The following KCNK10 variants were observed in gnomAD, a reference collection of about 807,000 sequenced individuals.
The protein encoded by KCNK10 is potassium two pore domain channel subfamily K member 10.
Under a neutral mutation model 47.7 loss-of-function variants are expected in KCNK10, and 25 were observed. That is an observed-to-expected ratio of 0.52 (90% CI 0.38 to 0.73). The LOEUF (loss-of-function observed/expected upper bound fraction) is 0.73, where lower values mean the gene tolerates loss of function less well. Among genes scored for constraint, KCNK10 ranks in the 30% least tolerant of loss-of-function variants. KCNK10 has a pLI of 0.00. For missense variants in KCNK10, 563 were observed against 714.5 expected (o/e 0.79, Z 2.42); for synonymous variants, 303 against 285.6 (o/e 1.06, Z -0.61).
intron 1 of KCNK10, among the ~76,000 whole-genome samples, chr14:88,321,638 G>A (rs1888549768): frequency 6.6e-6 from 1 of 152,176 alleles, no homozygotes; most frequent in Non-Finnish European, 1.5e-5. Context: ...CAGCCTCAGT[G>A]TTTTAAAAAG....
intron 1 of KCNK10, among the ~76,000 whole-genome samples, chr14:88,277,989 A>C (rs1449105703): frequency 6.6e-6 from 1 of 152,180 alleles, no homozygotes; most frequent in African/African-American, 2.4e-5. Flanking sequence ...GGGCTCGATT[A>C]ATGTTCATGG....
intron 1 of KCNK10, among the ~76,000 whole-genome samples, chr14:88,280,423 T>C (rs1265558718): frequency 1.2e-4 from 18 of 152,148 alleles, no homozygotes; most frequent in Admixed American, 9.8e-4. Flanking sequence ...CTATATCCTC[T>C]CCCTGTGTAA....
At chr14:88,267,872 C>T (rs1252486136) in intron 1 of KCNK10, among the ~76,000 whole-genome samples, 2 of 152,044 alleles carry the variant, frequency 1.3e-5, no homozygotes, top group Non-Finnish European at 2.9e-5. Flanking sequence ...TGACAGGAGC[C>T]CTGATGGCCT....
chr14:88,291,356 G>A (rs1887872231), intron 1 of KCNK10, among the ~76,000 whole-genome samples: 1 of 152,140 alleles, frequency 6.6e-6, no homozygotes, highest in African/African-American at 2.4e-5. Context: ...CTGTTGTCTT[G>A]GGGTTTATAC....
chr14:88,273,784 C>T (rs1887463300), intron 1 of KCNK10, among the ~76,000 whole-genome samples: 1 of 152,166 alleles, frequency 6.6e-6, no homozygotes, highest in African/African-American at 2.4e-5. Flanking sequence ...CAAAATGCTT[C>T]CTGAATATCA....
chr14:88,202,817 G>A (rs1282049736), intron 4 of KCNK10, among the ~76,000 whole-genome samples: 1 of 152,132 alleles, frequency 6.6e-6, no homozygotes, highest in Non-Finnish European at 1.5e-5. Context: ...GAAGCAAAAC[G>A]TCCAGTCTGG....
intron 4 of KCNK10, among the ~76,000 whole-genome samples, chr14:88,208,648 C>T (rs1368507800): frequency 6.6e-6 from 1 of 152,088 alleles, no homozygotes; most frequent in Non-Finnish European, 1.5e-5. Flanking sequence ...CTGGTGCCAA[C>T]TCTGTTATAG....
chr14:88,285,286 AT>A (rs1349818191), intron 1 of KCNK10, among the ~76,000 whole-genome samples: 3 of 152,036 alleles, frequency 2.0e-5, no homozygotes, highest in South Asian at 2.1e-4. Context: ...TAATTTCTGT[AT>A]TTTTAGTAGA....
At position 88,180,573 on chromosome 14, in the gene KCNK10, A is replaced by G. The variant is rs1021301127; in HGVS notation, c.*4962T>C. ...GAGTCCTCTCAAAATAATTTATTTT[A>G]ATGCACAGGGAACTATTTCAGATTT... On this transcript the variant is annotated 3_prime_UTR_variant, in exon 7 of 7. Transcript: ENST00000319231. 5.1e-6 allele frequency: 2 copies of G among 388,918 alleles called. No homozygotes were observed. Among genetic ancestry groups the G allele is most frequent in the Non-Finnish European group, 9.1e-6 (2 of 220,424 alleles). 24.1% of individuals were successfully genotyped at this position (388,918 alleles called of 1,614,324 possible).
At chr14:88,295,746 A>G (rs1378255102) in intron 1 of KCNK10, among the ~76,000 whole-genome samples, 1 of 152,180 alleles carries the variant, frequency 6.6e-6, no homozygotes, top group Admixed American at 6.5e-5. Flanking sequence ...GAATTCATTG[A>G]CAGGAGAACA....
chr14:88,218,278 G>A (rs1230452123), intron 4 of KCNK10, among the ~76,000 whole-genome samples: 8 of 152,206 alleles, frequency 5.3e-5, no homozygotes, highest in Non-Finnish European at 1.2e-4. Flanking sequence ...CTTGATCCAT[G>A]CCAGGCACAT....
chr14:88,265,179 G>T (rs1887219613), intron 1 of KCNK10, among the ~76,000 whole-genome samples: 2 of 152,188 alleles, frequency 1.3e-5, no homozygotes, highest in Admixed American at 1.3e-4. Context: ...GGCCCACAAA[G>T]AGGTCCACAT....
chr14:88,250,647 T>C (rs1886767314), intron 2 of KCNK10, among the ~76,000 whole-genome samples: 1 of 152,238 alleles, frequency 6.6e-6, no homozygotes, highest in Non-Finnish European at 1.5e-5. Context: ...AAAATTCTTA[T>C]GTCCCTAAAT....
chr14:88,191,382 A>G (rs186872981), intron 5 of KCNK10, among the ~76,000 whole-genome samples: 3 of 134,396 alleles, frequency 2.2e-5, no homozygotes, highest in Admixed American at 2.1e-4. Context: ...AGACATTTCA[A>G]ACTTGTGACA....
In KCNK10 at chr14:88,185,646, G is replaced by T. The variant is rs1884523846; in HGVS notation, c.1521C>A (p.Ala507=). Residue 507 remains alanine, a synonymous_variant, in exon 7 of 7, where the codon GCC becomes GCA. Transcript: ENST00000319231. The surrounding 1 kb of genome is among the most constrained non-coding windows in gnomAD (Gnocchi z 4.3). Reference sequence around the variant, plus strand: ...GCTGCTGGATACAGTCCGTCAGCATGGCTGTGCTGGAGTTGTCTGAGTTAC... The same window carrying T: ...GCTGCTGGATACAGTCCGTCAGCATTGCTGTGCTGGAGTTGTCTGAGTTAC... ...KMCNSDNSST[A]MLTDCIQQHA... is the part of the protein sequence containing the mutation. The T allele has an allele frequency of 6.2e-7, 1 of 1,614,184 alleles. No homozygotes were observed. Among genetic ancestry groups the T allele is most frequent in the African/African-American group, 1.3e-5 (1 of 75,040 alleles).
chr14:88,313,231 AT>A (rs1481282936), intron 1 of KCNK10, among the ~76,000 whole-genome samples: 1 of 152,242 alleles, frequency 6.6e-6, no homozygotes, highest in South Asian at 2.1e-4. Context: ...ACTACAAAGC[AT>A]TTAGCCTAGC....
chr14:88,198,768 C>T (rs986779045), intron 4 of KCNK10, among the ~76,000 whole-genome samples: 2 of 152,142 alleles, frequency 1.3e-5, no homozygotes, highest in African/African-American at 4.8e-5. Context: ...GGAGTTACCC[C>T]TTGTGATCTC....
At chr14:88,197,052 G>A (rs1251182083) in intron 4 of KCNK10, among the ~76,000 whole-genome samples, 1 of 152,090 alleles carries the variant, frequency 6.6e-6, no homozygotes, top group Admixed American at 6.5e-5. Context: ...TACTGAAAAA[G>A]TCCCACTCAA....
intron 4 of KCNK10, among the ~76,000 whole-genome samples, chr14:88,207,977 G>C (rs2139847029): frequency 6.6e-6 from 1 of 152,340 alleles, no homozygotes; most frequent in East Asian, 1.9e-4. Context: ...CAAAAGTCTG[G>C]AGATGAAAGA....
Sources: gnomAD v4.1 joint callset for allele counts (sites outside exome capture counted in the v4.1 genomes callset) on GRCh38, gnomAD v4.1.1 for gene constraint, Gnocchi (gnomAD v3.1) non-coding constraint, MANE v1.5 for transcripts, NCBI Gene and HGNC (gene_info 2026-07-23, HGNC 2026-07-21) for gene names.